FSCN2: variants seen among roughly 807,000 people sequenced by gnomAD.
FSCN2 encodes the protein fascin actin-bundling protein 2, retinal.
In FSCN2, 46 loss-of-function variants were observed where a neutral mutation model predicts 37.8. That is an observed-to-expected ratio of 1.22 (90% CI 0.96 to 1.56). The LOEUF (loss-of-function observed/expected upper bound fraction) is 1.56. Ranked by LOEUF, FSCN2 falls within the 40% of genes most tolerant of loss-of-function variation. The probability of loss-of-function intolerance (pLI) is 0.00; values close to 1 mark genes in which losing one functional copy is unlikely to be tolerated. For synonymous variants in FSCN2, 351 were observed against 309.4 expected, an observed-to-expected ratio of 1.13 and a Z score of -1.41; for missense variants, 844 against 730.4, an observed-to-expected ratio of 1.16 and a Z score of -1.79.
At chr17:81,517,585 C>T in the FSCN2 span, among the ~76,000 whole-genome samples, 2 of 152,174 alleles carry the variant, frequency 1.3e-5, no homozygotes, top group African/African-American at 4.8e-5. Flanking sequence ...GGTGCCTGCT[C>T]CTCCCTCTGT....
At chr17:81,525,423 C>T (rs1555669983), upstream of FSCN2, among the ~76,000 whole-genome samples, 1 of 52,782 alleles carries the variant, frequency 1.9e-5, no homozygotes, top group Admixed American at 1.6e-4. Flanking sequence ...AAGACTCTGT[C>T]TCAAAAAAAA....
chr17:81,528,704 T>G lies in FSCN2; in HGVS notation c.173T>G (p.Val58Gly), dbSNP rs1598568912. ...LEPDPGQGTA[V>G]LLRSSHLGRY... ...CCCGACCCAGGACAAGGCACGGCTGTGCTGCTCCGCAGCAGCCACCTGGGC... is the reference window on the plus strand; with the variant it reads ...CCCGACCCAGGACAAGGCACGGCTGGGCTGCTCCGCAGCAGCCACCTGGGC... Residue 58 changes from valine (V) to glycine (G), a missense_variant, in exon 1 of 5, where the codon GTG becomes GGG. Physicochemically the swap from Val to Gly is moderately radical, Grantham distance 109. Coordinates refer to ENST00000417245, the MANE Select transcript of FSCN2 (RefSeq NM_012418.4). 6.2e-7 allele frequency: 1 copy of G among 1,600,116 alleles called. No homozygotes were observed.
At chr17:81,528,262 G>A, upstream of FSCN2, 1 of 482,576 alleles carries the variant, frequency 2.1e-6, no homozygotes, top group Non-Finnish European at 3.8e-6. Context: ...TGAAATCCAA[G>A]CTGAGGGTAA....
rs2032446896 is a variant in FSCN2 at position 81,528,930 on chromosome 17, G to A, written c.399G>A (p.Val133=). 2 of 1,591,632 alleles carry A rather than the reference G, an allele frequency of 1.3e-6. No homozygotes were observed. The highest frequency in any genetic ancestry group is 1.7e-6 in the Non-Finnish European group (2 of 1,172,806). The change falls in exon 1 of 5, where the codon GTG becomes GTA. Residue 133 remains valine (V), a synonymous_variant. Transcript: ENST00000417245. ...TAVSPAELWT[V]HLAIHPQAHL... Reference sequence around the variant, plus strand: ...TTTCCCCGGCCGAGCTGTGGACCGTGCACCTGGCCATCCACCCGCAGGCCC... The same window carrying A: ...TTTCCCCGGCCGAGCTGTGGACCGTACACCTGGCCATCCACCCGCAGGCCC...
intron 2 of FSCN2, 29 bp downstream of exon 2, chr17:81,535,237 T>A: frequency 6.7e-7 from 1 of 1,484,190 alleles, no homozygotes; most frequent in Non-Finnish European, 9.0e-7. Flanking sequence ...TCCTCCTCCA[T>A]CATCCCCATC....
chr17:81,515,126 G>A, the FSCN2 span, among the ~76,000 whole-genome samples: 1 of 152,056 alleles, frequency 6.6e-6, no homozygotes, highest in South Asian at 2.1e-4. Flanking sequence ...CTGGGATGCG[G>A]GCGGGCGGGC....
chr17:81,531,265 TGGTGATGGC>T lies in FSCN2; in HGVS notation c.826+1913_826+1921del, dbSNP rs1455330260. On this transcript the variant is annotated intron_variant, in intron 1 of 4. Transcript: ENST00000417245. ...GTGATGATGGTGATGGTGATGATGG[TGGTGATGGC>T]GGTGGTGATGGTGATGGTGGTGATG... is the stretch of plus-strand genomic sequence containing the variant. Among the ~76,000 whole-genome samples the T allele has an allele frequency of 5.6e-4, 73 of 129,382 alleles. 1 individual carries two copies. Among genetic ancestry groups the T allele is most frequent in the African/African-American group, 2.0e-3 (59 of 29,572 alleles). 84.9% of individuals were successfully genotyped at this position (129,382 alleles called of 152,430 possible). A position where few individuals can be genotyped will look rare whatever the true frequency, so the allele number is the denominator to read the frequency against.
chr17:81,523,156 C>T, the FSCN2 span, among the ~76,000 whole-genome samples: 9 of 152,298 alleles, frequency 5.9e-5, no homozygotes, highest in Middle Eastern at 3.4e-3. Flanking sequence ...AGTTCCAAGG[C>T]GAGGCTCCGG....
chr17:81,536,054 C>G, intron 2 of FSCN2, 92 bp from the exon 3 acceptor site: 1 of 1,490,344 alleles, frequency 6.7e-7, no homozygotes, highest in Non-Finnish European at 9.1e-7. Flanking sequence ...AGGCTTCTGT[C>G]CCACTCCTTG....
upstream of FSCN2, among the ~76,000 whole-genome samples, chr17:81,525,989 C>T (rs1267608148): frequency 6.6e-6 from 1 of 152,244 alleles, no homozygotes; most frequent in East Asian, 1.9e-4. Context: ...GGGTCAGTGC[C>T]AGGCAGCCCC....
At chr17:81,529,627 T>C (rs1555670926) in intron 1 of FSCN2, 1 of 689,384 alleles carries the variant, frequency 1.5e-6, no homozygotes, top group Non-Finnish European at 2.7e-6. Context: ...GGAGAATGTC[T>C]CAGCCAAGCC....
the FSCN2 span, among the ~76,000 whole-genome samples, chr17:81,516,696 C>G: frequency 6.6e-6 from 1 of 152,238 alleles, no homozygotes; most frequent in Non-Finnish European, 1.5e-5. Context: ...TGGTGCCCAG[C>G]TTGGGGCTTG....
At chr17:81,516,171 T>A in the FSCN2 span, among the ~76,000 whole-genome samples, 11 of 152,318 alleles carry the variant, frequency 7.2e-5, no homozygotes, top group African/African-American at 2.4e-4. Flanking sequence ...CACCACTAAA[T>A]GAAACGATGG....
Position 81,532,077 on chromosome 17 carries a change from GTGATGGTGATGGTGA to G in FSCN2, c.826+2732_826+2746del, listed in dbSNP as rs2032668942. Reference sequence around the variant, plus strand: ...GGTGATGGTGATGATAGTGATGGTGGTGATGGTGATGGTGATGATGGTGATGATAGTGATGGCGAT... The same window carrying G: ...GGTGATGGTGATGATAGTGATGGTGGTGATGGTGATGATAGTGATGGCGAT... On this transcript the variant is annotated intron_variant, in intron 1 of 4. Transcript: ENST00000417245. 4.6e-5 allele frequency among the ~76,000 whole-genome samples: 5 copies of G among 109,178 alleles called. No individual in the cohort carries two copies. In the South Asian group the frequency reaches 1.4e-3, roughly 30 times the overall value. 71.6% of individuals were successfully genotyped at this position (109,178 alleles called of 152,430 possible).
chr17:81,531,864 GCGA>G (rs1431656384), intron 1 of FSCN2, among the ~76,000 whole-genome samples: 4 of 78,862 alleles, frequency 5.1e-5, no homozygotes, highest in African/African-American at 5.4e-5. Flanking sequence ...GGTGGTGATG[GCGA>G]TGATGGTGAT....
upstream of FSCN2, among the ~76,000 whole-genome samples, chr17:81,526,792 G>C (rs2032364388): frequency 6.6e-6 from 1 of 152,206 alleles, no homozygotes. Context: ...CTGGGAAGGG[G>C]GTGAAACCCC....
intron 1 of FSCN2, among the ~76,000 whole-genome samples, chr17:81,531,847 TG>T (rs2032643976): frequency 7.8e-6 from 1 of 128,636 alleles, no homozygotes; most frequent in Non-Finnish European, 1.5e-5. Context: ...ATGGTGGTGA[TG>T]GTGATGGTGG....
upstream of FSCN2, chr17:81,523,712 T>A (rs1390219814): frequency 6.6e-6 from 1 of 151,942 alleles, no homozygotes; most frequent in Non-Finnish European, 1.5e-5. Context: ...AGGTGGGGGC[T>A]CCTCCGATGC....
At chr17:81,520,731 G>A in the FSCN2 span, among the ~76,000 whole-genome samples, 1 of 152,214 alleles carries the variant, frequency 6.6e-6, no homozygotes, top group Admixed American at 6.5e-5. Flanking sequence ...CAGGTGTTGT[G>A]TTTCTCTAAG....
Sources: allele counts gnomAD v4.1 joint callset (sites outside exome capture counted in the v4.1 genomes callset), GRCh38; gene constraint gnomAD v4.1.1; transcripts MANE v1.5; gene names NCBI Gene and HGNC (gene_info 2026-07-23, HGNC 2026-07-21).